The following ATG7 variants were observed in gnomAD, a reference collection of about 807,000 sequenced individuals.
ATG7 encodes autophagy related 7.
In ATG7, 70 loss-of-function variants were observed where a neutral mutation model predicts 82.4. The ratio of observed to expected loss-of-function variants is 0.85; its 90% CI spans 0.70 to 1.04. The LOEUF (loss-of-function observed/expected upper bound fraction) is 1.04. ATG7 is among the 50% of genes least tolerant of loss of function. ATG7 has a pLI of 0.00. For missense variants in ATG7, 792 were observed against 864.3 expected (o/e 0.92, Z 1.05); for synonymous variants, 287 against 313.0 (o/e 0.92, Z 0.88).
At chr3:11,543,884 CAGGCTGGGGATGGAGGGT>C (rs1490363629) in intron 20 of ATG7, among the ~76,000 whole-genome samples, 1 of 152,070 alleles carries the variant, frequency 6.6e-6, no homozygotes, top group African/African-American at 2.4e-5. Context: ...AGGATGGTGA[CAGGCTGGGGATGGAGGGT>C]GGGCAGGGGC....
At chr3:11,453,583 C>T (rs1428572583) in intron 20 of ATG7, among the ~76,000 whole-genome samples, 1 of 152,168 alleles carries the variant, frequency 6.6e-6, no homozygotes, top group Non-Finnish European at 1.5e-5. Context: ...CAGTGATGTT[C>T]CAAGCTCTTT....
chr3:11,474,650 G>A (rs1359477449), intron 20 of ATG7, among the ~76,000 whole-genome samples: 2 of 152,300 alleles, frequency 1.3e-5, no homozygotes, highest in East Asian at 3.9e-4. Flanking sequence ...ATGAATTGGT[G>A]TGGAGGGTGG....
At chr3:11,441,549 T>A (rs1245118531) in intron 20 of ATG7, among the ~76,000 whole-genome samples, 2 of 152,072 alleles carry the variant, frequency 1.3e-5, no homozygotes, top group East Asian at 3.9e-4. Context: ...GCCTGCATTA[T>A]GTTTTAAAGC....
rs536769907 is a variant in ATG7 at position 11,335,551 on chromosome 3, C to G, written c.889+2458C>G. ...GGGTCTGGTCTGTGTGTCTGACAAG[C>G]TGCCAGGCACCTTCCATGGGGTAAT... On this transcript the variant is annotated intron_variant, in intron 11 of 20. Coordinates refer to ENST00000693202, the MANE Select transcript of ATG7 (RefSeq NM_001349232.2). Among the ~76,000 whole-genome samples the G allele has an allele frequency of 1.2e-4, 18 of 152,324 alleles. No individual in the cohort carries two copies. In the South Asian group the frequency reaches 3.5e-3, roughly 30 times the overall value.
intron 18 of ATG7, among the ~76,000 whole-genome samples, chr3:11,369,839 G>A (rs2076875685): frequency 6.6e-6 from 1 of 151,144 alleles, no homozygotes. Context: ...AGGCTGTCCT[G>A]TTTAGGAGGT....
intron 20 of ATG7, chr3:11,510,366 T>G (rs1320661285): frequency 2.3e-6 from 1 of 437,658 alleles, no homozygotes; most frequent in Non-Finnish European, 4.6e-6. Context: ...TTTGTAAGTT[T>G]GTCCCTGCCC....
At chr3:11,455,316 A>G (rs185036481) in intron 20 of ATG7, among the ~76,000 whole-genome samples, 18 of 152,318 alleles carry the variant, frequency 1.2e-4, no homozygotes, top group Admixed American at 5.2e-4. Context: ...CTTACCCAGT[A>G]AGACTAGCAC....
intron 3 of ATG7, chr3:11,290,506 G>C: frequency 3.0e-6 from 1 of 338,160 alleles, no homozygotes; most frequent in South Asian, 2.2e-5. Flanking sequence ...TTTTACTTTT[G>C]GTAGTGGATC....
At chr3:11,421,257 A>G (rs1247202052) in intron 19 of ATG7, among the ~76,000 whole-genome samples, 3 of 152,108 alleles carry the variant, frequency 2.0e-5, no homozygotes, top group Non-Finnish European at 4.4e-5. Flanking sequence ...CTTTCAGAAG[A>G]TATTCCTCTG....
chr3:11,357,049 T>C (rs1217406979), intron 14 of ATG7, among the ~76,000 whole-genome samples: 1 of 152,176 alleles, frequency 6.6e-6, no homozygotes, highest in Non-Finnish European at 1.5e-5. Context: ...AAATCCACAA[T>C]CTACAAATTT....
chr3:11,368,518 A>G (rs936046507), intron 18 of ATG7, among the ~76,000 whole-genome samples: 1 of 152,112 alleles, frequency 6.6e-6, no homozygotes, highest in Non-Finnish European at 1.5e-5. Flanking sequence ...AAGGCTAGGC[A>G]CAGTGGCTCA....
chr3:11,510,588 A>C (rs977829375), intron 20 of ATG7, among the ~76,000 whole-genome samples: 1 of 152,064 alleles, frequency 6.6e-6, no homozygotes, highest in East Asian at 1.9e-4. Flanking sequence ...CACATCCAGC[A>C]CAGTAAAAGC....
intron 20 of ATG7, among the ~76,000 whole-genome samples, chr3:11,552,765 C>A (rs976424387): frequency 6.6e-6 from 1 of 152,222 alleles, no homozygotes; most frequent in Non-Finnish European, 1.5e-5. Flanking sequence ...CGCATCCCCT[C>A]GAGTGGCTCA....
At chr3:11,347,441 T>A (rs927171290) in intron 13 of ATG7, among the ~76,000 whole-genome samples, 13 of 152,242 alleles carry the variant, frequency 8.5e-5, no homozygotes, top group Non-Finnish European at 1.9e-4. Flanking sequence ...TGTGAGTCAT[T>A]TTTTGGAGGA....
At chr3:11,277,600 G>A (rs939712933) in intron 1 of ATG7, among the ~76,000 whole-genome samples, 1 of 152,188 alleles carries the variant, frequency 6.6e-6, no homozygotes, top group Non-Finnish European at 1.5e-5. Context: ...GGGAGGGGGT[G>A]TGCGAACAGG....
chr3:11,419,469 G>A lies in ATG7; in HGVS notation c.1957-7335G>A, dbSNP rs143059607. Among the ~76,000 whole-genome samples, 458 of 152,226 alleles carry A rather than the reference G, an allele frequency of 3.0e-3. 1 individual carries two copies. The highest frequency in any genetic ancestry group is 5.2e-3 in the South Asian group (25 of 4,818). ...CTGGGGTGGCTAAGGCAGGAGAATT[G>A]CTTGAACCCAGGAGGCAGAGGCTGC... On this transcript the variant is annotated intron_variant, in intron 19 of 20. Transcript: ENST00000693202.
intron 9 of ATG7, among the ~76,000 whole-genome samples, chr3:11,328,426 A>G (rs1951172925): frequency 6.6e-6 from 1 of 152,232 alleles, no homozygotes; most frequent in Non-Finnish European, 1.5e-5. Flanking sequence ...ATTTCCTGAA[A>G]GGATGACCAT....
At chr3:11,374,655 C>T (rs886089791) in intron 18 of ATG7, among the ~76,000 whole-genome samples, 2 of 152,034 alleles carry the variant, frequency 1.3e-5, no homozygotes, top group African/African-American at 4.8e-5. Context: ...CCTGTAATCC[C>T]AGCACTTTGG....
At chr3:11,277,891 A>AG (rs1942170487) in intron 1 of ATG7, among the ~76,000 whole-genome samples, 1 of 60,770 alleles carries the variant, frequency 1.6e-5, no homozygotes, top group Non-Finnish European at 2.9e-5. Flanking sequence ...CCCTTTATAG[A>AG]CCCCCCCCCC....
Sources: gnomAD v4.1 joint callset for allele counts (sites outside exome capture counted in the v4.1 genomes callset) on GRCh38, gnomAD v4.1.1 for gene constraint, MANE v1.5 for transcripts, NCBI Gene and HGNC (gene_info 2026-07-23, HGNC 2026-07-21) for gene names.